Variants in MSRA observed in about 807,000 individuals in gnomAD.
MSRA encodes the protein mitochondrial peptide methionine sulfoxide reductase.
A neutral mutation model predicts 31.3 loss-of-function variants in MSRA; 54 were observed. The ratio of observed to expected loss-of-function variants is 1.73; its 90% CI spans 1.39 to 2.17. MSRA has a LOEUF of 2.17. MSRA is among the 30% of genes most tolerant of loss of function. The pLI, the probability that MSRA is intolerant of heterozygous loss-of-function variation, is 0.00. For missense variants in MSRA, 507 were observed against 300.9 expected (o/e 1.69, Z -5.07); for synonymous variants, 169 against 116.5 (o/e 1.45, Z -2.90).
chr8:10,138,236 G>A (rs1802436512), intron 1 of MSRA, among the ~76,000 whole-genome samples: 1 of 152,190 alleles, frequency 6.6e-6, no homozygotes. Context: ...ATCTCTTTGA[G>A]AGGTAATTCA....
intron 2 of MSRA, among the ~76,000 whole-genome samples, chr8:10,224,071 T>C (rs966648378): frequency 6.6e-6 from 1 of 152,184 alleles, no homozygotes; most frequent in Non-Finnish European, 1.5e-5. Context: ...GATATCTCTT[T>C]GGCAAGGCAG....
At chr8:10,061,966 A>T (rs1797216880) in intron 1 of MSRA, among the ~76,000 whole-genome samples, 1 of 152,206 alleles carries the variant, frequency 6.6e-6, no homozygotes. Context: ...TGCGATCTTC[A>T]GGCTCAGGAG....
intron 5 of MSRA, among the ~76,000 whole-genome samples, chr8:10,343,613 C>G (rs1803582011): frequency 6.6e-6 from 1 of 152,094 alleles, no homozygotes; most frequent in Admixed American, 6.5e-5. Context: ...GGTAGGTAAC[C>G]CAGTGCTCCT....
At chr8:10,151,981 T>A (rs900598361) in intron 1 of MSRA, among the ~76,000 whole-genome samples, 2 of 152,210 alleles carry the variant, frequency 1.3e-5, no homozygotes, top group African/African-American at 2.4e-5. Flanking sequence ...ATGGCCAATT[T>A]ATTGCGTCTG....
chr8:10,130,027 C>T (rs1186482900), intron 1 of MSRA, among the ~76,000 whole-genome samples: 1 of 152,194 alleles, frequency 6.6e-6, no homozygotes, highest in Non-Finnish European at 1.5e-5. Context: ...ACCTACATCC[C>T]TTGGAAGTAA....
At chr8:10,394,233 A>T (rs1248213724) in intron 5 of MSRA, among the ~76,000 whole-genome samples, 1 of 152,220 alleles carries the variant, frequency 6.6e-6, no homozygotes, top group Non-Finnish European at 1.5e-5. Flanking sequence ...AACCAAAGTT[A>T]ATACTATGCA....
intron 5 of MSRA, among the ~76,000 whole-genome samples, chr8:10,391,716 C>G (rs966289955): frequency 1.3e-5 from 2 of 152,192 alleles, no homozygotes; most frequent in Non-Finnish European, 2.9e-5. Context: ...GCTCTGCCAC[C>G]TGCTTTCCCA....
At chr8:10,170,947 C>G (rs888669543) in intron 1 of MSRA, among the ~76,000 whole-genome samples, 19 of 152,318 alleles carry the variant, frequency 1.2e-4, no homozygotes, top group African/African-American at 4.6e-4. Context: ...TAGCTAGGCT[C>G]TCCAGCATGA....
chr8:10,391,543 T>C (rs1806747475), intron 5 of MSRA, among the ~76,000 whole-genome samples: 1 of 152,232 alleles, frequency 6.6e-6, no homozygotes, highest in Admixed American at 6.5e-5. Flanking sequence ...GTGGGCATTT[T>C]ACTACTGATG....
At chr8:10,389,727 T>G (rs1392831280) in intron 5 of MSRA, among the ~76,000 whole-genome samples, 2 of 151,174 alleles carry the variant, frequency 1.3e-5, no homozygotes, top group African/African-American at 4.9e-5. Context: ...CTGTACTGTT[T>G]TTCAGAAGCT....
intron 4 of MSRA, 135 bp downstream of exon 4, chr8:10,301,773 C>A: frequency 2.7e-6 from 2 of 729,490 alleles, no homozygotes; most frequent in Non-Finnish European, 2.2e-6. Flanking sequence ...CATTTATTGA[C>A]GGAGGAGAGG....
chr8:10,228,811 T>C (rs569038861), intron 2 of MSRA, among the ~76,000 whole-genome samples: 2 of 152,326 alleles, frequency 1.3e-5, no homozygotes, highest in South Asian at 4.1e-4. Flanking sequence ...GGATTCCACA[T>C]ATACAGATAT....
chr8:10,166,385 A>G (rs372592265), intron 1 of MSRA, among the ~76,000 whole-genome samples: 15 of 151,170 alleles, frequency 9.9e-5, no homozygotes, highest in African/African-American at 3.4e-4. Context: ...CATTTGTATG[A>G]TAGTGTGTGC....
chr8:10,093,731 G>A (rs909959905), intron 1 of MSRA, among the ~76,000 whole-genome samples: 50 of 152,098 alleles, frequency 3.3e-4, no homozygotes, highest in African/African-American at 1.1e-3. Context: ...TTTCTTCATT[G>A]ATTTGATTTA....
At chr8:10,110,037 CT>C (rs1800167844) in intron 1 of MSRA, among the ~76,000 whole-genome samples, 1 of 152,152 alleles carries the variant, frequency 6.6e-6, no homozygotes, top group African/African-American at 2.4e-5. Flanking sequence ...TCAGTCCGTC[CT>C]TGGCTCTCGG....
intron 5 of MSRA, among the ~76,000 whole-genome samples, chr8:10,425,825 G>C (rs938883868): frequency 2.0e-5 from 3 of 152,224 alleles, no homozygotes; most frequent in African/African-American, 7.2e-5. Flanking sequence ...GAGCCCTTGG[G>C]ATCCGATTTT....
At chr8:10,333,804 A>C (rs1802851003) in intron 5 of MSRA, among the ~76,000 whole-genome samples, 3 of 148,334 alleles carry the variant, frequency 2.0e-5, no homozygotes, top group South Asian at 2.1e-4. Context: ...TTTCTTCTCC[A>C]CCCCACCCCC....
At chr8:10,272,760 C>T (rs959495559) in intron 3 of MSRA, among the ~76,000 whole-genome samples, 28 of 152,132 alleles carry the variant, frequency 1.8e-4, no homozygotes, top group South Asian at 1.0e-3. Flanking sequence ...TTTTATTCTA[C>T]GCTGTACATT....
chr8:10,136,815 C>A (rs56661358), intron 1 of MSRA, among the ~76,000 whole-genome samples: 167 of 152,108 alleles, frequency 1.1e-3, no homozygotes, highest in African/African-American at 3.9e-3. Flanking sequence ...TGTGTCTTGC[C>A]CTCTCCTTCC....
Sources: gnomAD v4.1 joint callset for allele counts (sites outside exome capture counted in the v4.1 genomes callset) on GRCh38, gnomAD v4.1.1 for gene constraint, MANE v1.5 for transcripts, NCBI Gene and HGNC (gene_info 2026-07-23, HGNC 2026-07-21) for gene names.